PPIP5K2: variants seen among roughly 807,000 people sequenced by gnomAD.
PPIP5K2 encodes inositol hexakisphosphate and diphosphoinositol-pentakisphosphate kinase 2.
PPIP5K2 carries 105 observed loss-of-function variants against 154.6 expected under a neutral mutation model. That is an observed-to-expected ratio of 0.68 (90% CI 0.58 to 0.80). The LOEUF is 0.80. Among genes scored for constraint, PPIP5K2 ranks in the 30% least tolerant of loss-of-function variants. PPIP5K2 has a pLI of 0.00. For missense variants in PPIP5K2, 992 were observed against 1,504.6 expected, an observed-to-expected ratio of 0.66 and a Z score of 5.64; for synonymous variants, 480 against 490.3, an observed-to-expected ratio of 0.98 and a Z score of 0.28.
At position 103,208,023 on chromosome 5, in the gene PPIP5K2, T is replaced by A. The variant is rs1215800238; in HGVS notation, c.*6389T>A. ...TTGATACAATTTCTTTTTTGTTTGT[T>A]TTTGTTTTGTTTTTGTTGTTTTTTA... On this transcript the variant is annotated 3_prime_UTR_variant, in exon 31 of 31. Transcript: ENST00000358359. 1.4e-5 allele frequency: 2 copies of A among 140,776 alleles called. No individual in the cohort carries two copies. Among genetic ancestry groups the A allele is most frequent in the African/African-American group, 4.9e-5 (2 of 40,918 alleles). 8.7% of individuals were successfully genotyped at this position (140,776 alleles called of 1,614,324 possible). A position where few individuals can be genotyped will look rare whatever the true frequency, so the allele number is the denominator to read the frequency against.
intron 6 of PPIP5K2, 73 bp from the exon 7 acceptor site, chr5:103,147,855 AACT>A: frequency 1.2e-6 from 1 of 862,254 alleles, no homozygotes; most frequent in African/African-American, 1.7e-5. Context: ...ATGGTAAATA[AACT>A]ATTTGTCATT....
chr5:103,124,932 A>G (rs1365301182), intron 1 of PPIP5K2, among the ~76,000 whole-genome samples: 1 of 152,232 alleles, frequency 6.6e-6, no homozygotes, highest in Non-Finnish European at 1.5e-5. Context: ...AGGGATATAC[A>G]TAACCCAAGC....
chr5:103,141,116 G>A (rs1411203777), intron 5 of PPIP5K2, among the ~76,000 whole-genome samples: 7 of 152,100 alleles, frequency 4.6e-5, no homozygotes, highest in African/African-American at 1.2e-4. Context: ...GGTGGATCAC[G>A]AGGTCAGGAG....
intron 5 of PPIP5K2, among the ~76,000 whole-genome samples, chr5:103,140,616 G>A (rs943390975): frequency 3.3e-5 from 5 of 152,036 alleles, no homozygotes; most frequent in African/African-American, 7.2e-5. Context: ...TTGGGAGGCC[G>A]AGGCGGGCGG....
intron 30 of PPIP5K2, 61 bp from the exon 31 acceptor site, chr5:103,201,461 A>G: frequency 1.0e-6 from 1 of 987,404 alleles, no homozygotes; most frequent in East Asian, 2.5e-5. Flanking sequence ...TATTATTTGA[A>G]CTTGGATTGT....
intron 5 of PPIP5K2, among the ~76,000 whole-genome samples, chr5:103,145,929 C>A (rs1232105701): frequency 6.6e-6 from 1 of 151,820 alleles, no homozygotes; most frequent in Non-Finnish European, 1.5e-5. Flanking sequence ...TGGTGAATAC[C>A]CCAACTATTC....
At chr5:103,152,626 T>A in intron 9 of PPIP5K2, 22 bp from the exon 10 acceptor site, 1 of 1,472,782 alleles carries the variant, frequency 6.8e-7, no homozygotes, top group Non-Finnish European at 9.5e-7. Context: ...TAATTTTAAA[T>A]CTTTTCTTTT....
rs1795744116 is a variant in PPIP5K2 at position 103,158,443 on chromosome 5, T to G, written c.1616-9T>G. 2 of 1,599,734 alleles carry G rather than the reference T, an allele frequency of 1.3e-6. No homozygotes were observed. Among genetic ancestry groups the G allele is most frequent in the African/African-American group, 2.7e-5 (2 of 73,842 alleles). ...ATATAGCTGAAGTGATTTGAGGATTTATTTTCAGGAGATTATGCAGGATTT... is the reference window on the plus strand; with the variant it reads ...ATATAGCTGAAGTGATTTGAGGATTGATTTTCAGGAGATTATGCAGGATTT... On this transcript the variant is annotated splice_polypyrimidine_tract_variant and intron_variant, in intron 15 of 30. Transcript: ENST00000358359.
chr5:103,179,932 G>A (rs1554222027), intron 23 of PPIP5K2, 89 bp from the exon 24 acceptor site: 1 of 1,107,048 alleles, frequency 9.0e-7, no homozygotes, highest in East Asian at 2.7e-5. Flanking sequence ...TGTATTTCAA[G>A]TACCTCTACC....
At chr5:103,177,277 T>G (rs1305851285) in intron 21 of PPIP5K2, among the ~76,000 whole-genome samples, 1 of 150,906 alleles carries the variant, frequency 6.6e-6, no homozygotes, top group African/African-American at 2.5e-5. Context: ...TTTTTGGAAT[T>G]TGGAATTGTT....
rs1554230575 is a variant in PPIP5K2 at position 103,201,674 on chromosome 5, T to C, written c.*40T>C. The C allele has an allele frequency of 1.5e-6, 2 of 1,346,122 alleles. No individual in the cohort carries two copies. The highest frequency in any genetic ancestry group is 3.0e-5 in the African/African-American group (2 of 67,364). The allele number at this position is 1,346,122 out of a possible 1,614,324, so 83.4% of individuals were successfully genotyped here. On this transcript the variant is annotated 3_prime_UTR_variant, in exon 31 of 31. Transcript: ENST00000358359. ...CTGGAACTTTTTATACTTATAAAAA[T>C]AGTATGTTCTTATGTTTCTCCTTAT... is the stretch of plus-strand genomic sequence containing the variant.
intron 21 of PPIP5K2, chr5:103,176,977 G>GCCTATCAACAA: frequency 1.6e-6 from 2 of 1,242,326 alleles, no homozygotes; most frequent in Non-Finnish European, 2.2e-6. Flanking sequence ...AGTGTAATAG[G>GCCTATCAACAA]GATACTTGTT....
Position 103,207,477 on chromosome 5 carries a change from C to G in PPIP5K2, c.*5843C>G, listed in dbSNP as rs934810461. 2 of 152,120 alleles carry G rather than the reference C, an allele frequency of 1.3e-5. No homozygotes were observed. Among genetic ancestry groups the G allele is most frequent in the Admixed American group, 1.3e-4 (2 of 15,270 alleles). The allele number at this position is 152,120 out of a possible 1,614,324, so 9.4% of individuals were successfully genotyped here. A position where few individuals can be genotyped will look rare whatever the true frequency, so the allele number is the denominator to read the frequency against. On this transcript the variant is annotated 3_prime_UTR_variant, in exon 31 of 31. Transcript: ENST00000358359. ...CATAATCAGCAATGTATGCTGTATA[C>G]TACACTTGCATTATGTTATTCACAT...
intron 11 of PPIP5K2, 34 bp from the exon 12 acceptor site, chr5:103,154,636 C>T: frequency 8.0e-7 from 1 of 1,253,826 alleles, no homozygotes; most frequent in Non-Finnish European, 1.1e-6. Context: ...TTAATTATTG[C>T]AAGTGACTAA....
chr5:103,195,393 G>A (rs1319435785), intron 30 of PPIP5K2, among the ~76,000 whole-genome samples: 1 of 152,092 alleles, frequency 6.6e-6, no homozygotes, highest in Non-Finnish European at 1.5e-5. Context: ...GTGGAGGTAT[G>A]AGGATTACCT....
chr5:103,168,339 T>C (rs1797453559), intron 19 of PPIP5K2, 44 bp downstream of exon 19: 1 of 1,442,134 alleles, frequency 6.9e-7, no homozygotes, highest in African/African-American at 1.4e-5. Context: ...ATTGAAAAAA[T>C]ACTTTTAAAA....
intron 9 of PPIP5K2, among the ~76,000 whole-genome samples, chr5:103,152,253 T>A (rs1411577706): frequency 6.6e-6 from 1 of 151,948 alleles, no homozygotes; most frequent in Non-Finnish European, 1.5e-5. Context: ...AGTGATTTGT[T>A]AAGATGAACA....
chr5:103,197,274 G>T (rs1002436233), intron 30 of PPIP5K2, among the ~76,000 whole-genome samples: 47 of 152,070 alleles, frequency 3.1e-4, no homozygotes, highest in African/African-American at 1.0e-3. Flanking sequence ...ATGTTTGATA[G>T]AATTAATTTT....
intron 8 of PPIP5K2, among the ~76,000 whole-genome samples, chr5:103,149,540 A>T (rs1794279614): frequency 6.6e-6 from 1 of 152,150 alleles, no homozygotes; most frequent in Non-Finnish European, 1.5e-5. Flanking sequence ...AATAAAATAA[A>T]AATTCAGAAA....
Sources: allele counts gnomAD v4.1 joint callset (sites outside exome capture counted in the v4.1 genomes callset), GRCh38; gene constraint gnomAD v4.1.1; transcripts MANE v1.5; gene names NCBI Gene and HGNC (gene_info 2026-07-23, HGNC 2026-07-21).